The following C1orf162 variants were observed in gnomAD, a reference collection of about 807,000 sequenced individuals.
C1orf162 encodes the protein chromosome 1 open reading frame 162.
Under a neutral mutation model 11.4 loss-of-function variants are expected in C1orf162, and 10 were observed. The ratio of observed to expected loss-of-function variants is 0.88; its 90% CI spans 0.54 to 1.48. C1orf162 has a LOEUF of 1.48. Ranked by LOEUF, C1orf162 falls within the 40% of genes most tolerant of loss-of-function variation. C1orf162 has a pLI of 0.00. For synonymous variants in C1orf162, 53 were observed against 55.0 expected (o/e 0.96, Z 0.16); for missense variants, 140 against 149.5 (o/e 0.94, Z 0.33).
chr1:111,476,286 A>G (rs907829124), intron 2 of C1orf162, among the ~76,000 whole-genome samples: 32 of 152,190 alleles, frequency 2.1e-4, no homozygotes, highest in Middle Eastern at 6.8e-3. Context: ...TCTCTGCTCA[A>G]TATCAAACTA....
chr1:111,477,580 C>T lies in C1orf162; in HGVS notation c.203-146C>T, dbSNP rs139908284. The T allele has an allele frequency of 3.4e-3, 5,149 of 1,500,498 alleles. 87 individuals carry two copies. In the East Asian group the frequency reaches 0.046, roughly 13 times the overall value. 92.9% of individuals were successfully genotyped at this position (1,500,498 alleles called of 1,614,324 possible). ...GTCTGCAGACTGAAGATTCAAATCC[C>T]TTCATTTTTCTTCCGCCCTGCCCCC... is the stretch of plus-strand genomic sequence containing the variant. On this transcript the variant is annotated intron_variant, in intron 4 of 5. Coordinates refer to ENST00000369718, the MANE Select transcript of C1orf162 (RefSeq NM_001300834.2).
intron 2 of C1orf162, 131 bp from the exon 3 acceptor site, chr1:111,476,667 T>G (rs1437472855): frequency 1.2e-6 from 1 of 806,048 alleles, no homozygotes; most frequent in Non-Finnish European, 2.1e-6. Context: ...CTCTCATTTT[T>G]GTAAGAGTTG....
intron 1 of C1orf162, chr1:111,474,498 T>A (rs1399454101): frequency 1.3e-5 from 2 of 152,194 alleles, no homozygotes; most frequent in African/African-American, 2.4e-5. Flanking sequence ...CTTCCACCTC[T>A]CCAGTGGCAA....
Position 111,478,343 on chromosome 1 carries a change from A to T in C1orf162, c.*220A>T, listed in dbSNP as rs1189978791. ...ATTGATGGCCCTCCCACTTGAACTG[A>T]CAGCCTGTGAGCCCCTTGGGGGCAT... On this transcript the variant is annotated 3_prime_UTR_variant, in exon 6 of 6. Coordinates refer to ENST00000369718, the MANE Select transcript of C1orf162 (RefSeq NM_001300834.2). The T allele has an allele frequency of 6.6e-6, 4 of 608,324 alleles. No individual in the cohort carries two copies. In the East Asian group the frequency reaches 1.2e-4, roughly 18 times the overall value. 37.7% of individuals were successfully genotyped at this position (608,324 alleles called of 1,614,324 possible).
chr1:111,477,002 T>C (rs564428561), intron 3 of C1orf162, 135 bp downstream of exon 3: 60 of 983,798 alleles, frequency 6.1e-5, no homozygotes, highest in African/African-American at 5.2e-4. Context: ...CAAAGTCAGT[T>C]TGTGATCTCA....
At position 111,477,973 on chromosome 1, in the gene C1orf162, C is replaced by T. The variant is rs1654055814; in HGVS notation, c.253-10C>T. ...GGACTCACTCATTCCTCCTTTTTCT[C>T]CCTCTGCAGCTTTCATCCATCCCAG... is the stretch of plus-strand genomic sequence containing the variant. On this transcript the variant is annotated splice_polypyrimidine_tract_variant and intron_variant, in intron 5 of 5. Coordinates refer to ENST00000369718, the MANE Select transcript of C1orf162 (RefSeq NM_001300834.2). The T allele has an allele frequency of 1.2e-6, 2 of 1,614,090 alleles. No homozygotes were observed. Among genetic ancestry groups the T allele is most frequent in the Non-Finnish European group, 1.7e-6 (2 of 1,179,994 alleles).
At chr1:111,477,502 A>G in intron 4 of C1orf162, 74 bp downstream of exon 4, 1 of 1,512,796 alleles carries the variant, frequency 6.6e-7, no homozygotes, top group Admixed American at 1.7e-5. Context: ...TGAGTGAGTA[A>G]TGGGAGGAGG....
chr1:111,476,758 A>G (rs1458433005), intron 2 of C1orf162, 40 bp from the exon 3 acceptor site: 2 of 1,599,372 alleles, frequency 1.3e-6, no homozygotes, highest in South Asian at 2.2e-5. Flanking sequence ...GTATCATGAA[A>G]AGTGACAGAT....
chr1:111,477,979 G>T lies in C1orf162; in HGVS notation c.253-4G>T. On this transcript the variant is annotated splice_region_variant and splice_polypyrimidine_tract_variant and intron_variant, in intron 5 of 5. Coordinates refer to ENST00000369718, the MANE Select transcript of C1orf162 (RefSeq NM_001300834.2). Reference sequence around the variant, plus strand: ...ACTCATTCCTCCTTTTTCTCCCTCTGCAGCTTTCATCCATCCCAGGGGAAT... The same window carrying T: ...ACTCATTCCTCCTTTTTCTCCCTCTTCAGCTTTCATCCATCCCAGGGGAAT... The T allele has an allele frequency of 6.2e-7, 1 of 1,614,050 alleles. No individual in the cohort carries two copies. The highest frequency in any genetic ancestry group is 8.5e-7 in the Non-Finnish European group (1 of 1,179,988).
chr1:111,477,088 G>T, intron 3 of C1orf162: 3 of 644,556 alleles, frequency 4.7e-6, no homozygotes, highest in Non-Finnish European at 8.1e-6. Context: ...GGTAAAATTT[G>T]CTGGGTGGGG....
chr1:111,475,258 TATAAAA>T (rs1221801636), intron 1 of C1orf162: 1 of 152,182 alleles, frequency 6.6e-6, no homozygotes, highest in Non-Finnish European at 1.5e-5. Context: ...TATAACCTCT[TATAAAA>T]AGAAATATCT....
intron 4 of C1orf162, 136 bp downstream of exon 4, chr1:111,477,564 C>A: frequency 1.3e-6 from 2 of 1,502,634 alleles, no homozygotes; most frequent in Admixed American, 3.4e-5. Flanking sequence ...TGTCTGCAGA[C>A]TGAAGATTCA....
chr1:111,477,213 G>C, intron 3 of C1orf162, 121 bp from the exon 4 acceptor site: 1 of 881,950 alleles, frequency 1.1e-6, no homozygotes, highest in Non-Finnish European at 1.8e-6. Flanking sequence ...CTGGGTGAAA[G>C]TTCATTAATC....
At chr1:111,477,310 C>G in intron 3 of C1orf162, 24 bp from the exon 4 acceptor site, 1 of 1,594,020 alleles carries the variant, frequency 6.3e-7, no homozygotes, top group Non-Finnish European at 8.6e-7. Context: ...ACAGTTCATC[C>G]CCTGCCTTTC....
chr1:111,477,148 G>T lies in C1orf162; in HGVS notation c.108-186G>T, dbSNP rs540432008. 3.2e-5 allele frequency: 21 copies of T among 648,374 alleles called. No individual in the cohort carries two copies. In the African/African-American group the frequency reaches 3.6e-4, roughly 11 times the overall value. The allele number at this position is 648,374 out of a possible 1,614,324, so 40.2% of individuals were successfully genotyped here. A position where few individuals can be genotyped will look rare whatever the true frequency, so the allele number is the denominator to read the frequency against. On this transcript the variant is annotated intron_variant, in intron 3 of 5. Transcript: ENST00000369718. ...GGGAGGGGGAGAGGAAGAGGCCACA[G>T]CTTCCTCTGAGGCCTCAAATGGATG...
At chr1:111,477,297 C>T in intron 3 of C1orf162, 37 bp from the exon 4 acceptor site, 1 of 1,564,742 alleles carries the variant, frequency 6.4e-7, no homozygotes, top group East Asian at 2.2e-5. Flanking sequence ...CTTCAAAAGC[C>T]CAACAGTTCA....
At position 111,478,460 on chromosome 1, in the gene C1orf162, T is replaced by C. The variant is rs561071424; in HGVS notation, c.*337T>C. ...GCATCATGAATCAACTTGGGAGGAG[T>C]CAACCAAATGAACAATCTACCAAAA... is the stretch of plus-strand genomic sequence containing the variant. On this transcript the variant is annotated 3_prime_UTR_variant, in exon 6 of 6. Coordinates refer to ENST00000369718, the MANE Select transcript of C1orf162 (RefSeq NM_001300834.2). The C allele has an allele frequency of 9.1e-4, 226 of 247,268 alleles. No individual in the cohort carries two copies. Among genetic ancestry groups the C allele is most frequent in the South Asian group, 2.8e-3 (32 of 11,632 alleles). 15.3% of individuals were successfully genotyped at this position (247,268 alleles called of 1,614,324 possible).
At chr1:111,475,820 G>A (rs1653968206) in intron 1 of C1orf162, 198 bp from the exon 2 acceptor site, 1 of 515,000 alleles carries the variant, frequency 1.9e-6, no homozygotes. Context: ...CAAACCTGAA[G>A]GCTGGCTGCT....
At position 111,476,716 on chromosome 1, in the gene C1orf162, A is replaced by T. The variant is rs2101771321; in HGVS notation, c.38-82A>T. ...AATTTCCACTGGTTGCTTGGGTAGA[A>T]TGGGGCACCTGGGGAAACTTAAGCT... On this transcript the variant is annotated intron_variant, in intron 2 of 5. Coordinates refer to ENST00000369718, the MANE Select transcript of C1orf162 (RefSeq NM_001300834.2). The T allele has an allele frequency of 4.3e-6, 6 of 1,403,888 alleles. No homozygotes were observed. The East Asian group carries it at 1.4e-4, about 32-fold the overall frequency. 87.0% of individuals were successfully genotyped at this position (1,403,888 alleles called of 1,614,324 possible). A position where few individuals can be genotyped will look rare whatever the true frequency, so the allele number is the denominator to read the frequency against.
Sources: allele counts gnomAD v4.1 joint callset (sites outside exome capture counted in the v4.1 genomes callset), GRCh38; gene constraint gnomAD v4.1.1; transcripts MANE v1.5; gene names NCBI Gene and HGNC (gene_info 2026-07-23, HGNC 2026-07-21).